Variants in PRKDC observed in about 807,000 individuals in gnomAD.
The protein encoded by PRKDC is DNA-dependent protein kinase catalytic subunit.
PRKDC carries 82 observed loss-of-function variants against 486.9 expected under a neutral mutation model. The observed-to-expected ratio is 0.17, with a 90% CI of 0.14 to 0.20. PRKDC has a LOEUF of 0.20. Ranked by LOEUF, PRKDC falls within the 10% of genes least tolerant of loss-of-function variation. PRKDC has a pLI of 1.00. For synonymous variants in PRKDC, 1,895 were observed against 1,837.0 expected, an observed-to-expected ratio of 1.03 and a Z score of -0.81; for missense variants, 4,504 against 5,038.2, an observed-to-expected ratio of 0.89 and a Z score of 3.21.
intron 68 of PRKDC, among the ~76,000 whole-genome samples, chr8:47,814,429 C>T (rs1441892715): frequency 1.3e-5 from 2 of 152,018 alleles, no homozygotes; most frequent in East Asian, 1.9e-4. Context: ...GTGGCTCTAT[C>T]GGCAGATGAT....
Position 47,870,880 on chromosome 8 carries a change from G to A in PRKDC, c.5364-6117C>T, listed in dbSNP as rs139547875. ...TCTTATCAGATAAATTAAACAAAGA[G>A]ATTGAAAAAATTAAAAAGAATCAAG... On this transcript the variant is annotated intron_variant, in intron 40 of 85. Transcript: ENST00000314191. Among the ~76,000 whole-genome samples the A allele has an allele frequency of 3.2e-3, 481 of 152,194 alleles. 2 individuals carry two copies. The highest frequency in any genetic ancestry group is 0.011 in the African/African-American group (446 of 41,544).
chr8:47,890,528 C>T (rs1341573628), intron 31 of PRKDC, 48 bp from the exon 32 acceptor site: 1 of 1,373,778 alleles, frequency 7.3e-7, no homozygotes, highest in East Asian at 2.5e-5. Context: ...CTTTCAACTC[C>T]ACTAAGATTA....
chr8:47,933,322 T>C (rs1159363618), intron 15 of PRKDC, 150 bp from the exon 16 acceptor site: 1 of 605,740 alleles, frequency 1.7e-6, no homozygotes, highest in Non-Finnish European at 2.6e-6. Context: ...ACCTGGAAGT[T>C]TTCAAGTTGC....
At chr8:47,785,339 T>C in intron 76 of PRKDC, 22 bp from the exon 77 acceptor site, 3 of 1,521,356 alleles carry the variant, frequency 2.0e-6, no homozygotes, top group Non-Finnish European at 2.7e-6. Context: ...AAGAATTTAC[T>C]ATAAAGACTG....
At position 47,785,195 on chromosome 8, in the gene PRKDC, C is replaced by T. The variant is rs1380865476; in HGVS notation, c.11025G>A (p.Lys3675=). The change falls in exon 77 of 86, where the codon AAG becomes AAA. Residue 3675 remains lysine, a synonymous_variant. Coordinates refer to ENST00000314191, the MANE Select transcript of PRKDC (RefSeq NM_006904.7). ...MLLLKMNKDS[K]PPGNLKECSP... ...AACATTCTTTCAGATTCCCAGGGGG[C>T]TTTGAGTCTTTGTTCATTTTTAAAA... is the stretch of plus-strand genomic sequence containing the variant. The T allele has an allele frequency of 6.2e-7, 1 of 1,613,922 alleles. No homozygotes were observed. The highest frequency in any genetic ancestry group is 8.5e-7 in the Non-Finnish European group (1 of 1,179,874).
rs117034947 is a variant in PRKDC, at chr8:47,798,163, G to A, written c.10458+74C>T. 6.7e-3 allele frequency: 9,853 copies of A among 1,477,522 alleles called. 55 individuals carry two copies. The highest frequency in any genetic ancestry group is 9.2e-3 in the Middle Eastern group (49 of 5,304). The allele number at this position is 1,477,522 out of a possible 1,614,324, so 91.5% of individuals were successfully genotyped here. A position where few individuals can be genotyped will look rare whatever the true frequency, so the allele number is the denominator to read the frequency against. ...TAATACATGCACTGCACACACTAAC[G>A]CGTTTGAATATAAATAAGCGTATCT... On this transcript the variant is annotated intron_variant, in intron 73 of 85. Transcript: ENST00000314191.
chr8:47,901,529 C>T (rs915988304), intron 27 of PRKDC, among the ~76,000 whole-genome samples: 1 of 152,118 alleles, frequency 6.6e-6, no homozygotes, highest in Admixed American at 6.6e-5. Context: ...ACCTAAAACA[C>T]TTCTCAAAGA....
chr8:47,795,885 T>C (rs1011424978), intron 73 of PRKDC, among the ~76,000 whole-genome samples: 10 of 151,500 alleles, frequency 6.6e-5, no homozygotes, highest in African/African-American at 2.4e-4. Context: ...TAATAAACAT[T>C]GGTATGGAAT....
chr8:47,952,778 C>T (rs867240783), intron 7 of PRKDC, among the ~76,000 whole-genome samples: 6 of 152,102 alleles, frequency 3.9e-5, no homozygotes, highest in Non-Finnish European at 8.8e-5. Flanking sequence ...TTGAGGCAGG[C>T]GGATCACCAG....
At chr8:47,922,092 T>C (rs1282408522) in intron 21 of PRKDC, among the ~76,000 whole-genome samples, 1 of 151,614 alleles carries the variant, frequency 6.6e-6, no homozygotes, top group African/African-American at 2.4e-5. Flanking sequence ...GATTTTTCAT[T>C]TTTCTTGGAT....
At chr8:47,915,051 G>A (rs1444957726) in intron 23 of PRKDC, among the ~76,000 whole-genome samples, 3 of 152,066 alleles carry the variant, frequency 2.0e-5, no homozygotes, top group African/African-American at 4.8e-5. Flanking sequence ...TGGAATTCCC[G>A]ACACTAATAT....
chr8:47,831,004 T>C (rs2087855418), intron 60 of PRKDC, among the ~76,000 whole-genome samples: 1 of 152,184 alleles, frequency 6.6e-6, no homozygotes, highest in African/African-American at 2.4e-5. Flanking sequence ...TTAGAAGTAT[T>C]TAAAAACCGG....
intron 25 of PRKDC, 76 bp from the exon 26 acceptor site, chr8:47,905,052 T>C: frequency 2.8e-6 from 3 of 1,082,602 alleles, no homozygotes; most frequent in Non-Finnish European, 4.1e-6. Context: ...TCCATTTAAA[T>C]GCCATTTGCA....
chr8:47,873,043 A>G, intron 40 of PRKDC, among the ~76,000 whole-genome samples: 1 of 152,188 alleles, frequency 6.6e-6, no homozygotes, highest in Non-Finnish European at 1.5e-5. Context: ...ATGTTAGGCC[A>G]CAAAACAAGT....
chr8:47,810,742 T>C (rs1304467729), intron 68 of PRKDC, among the ~76,000 whole-genome samples: 1 of 152,126 alleles, frequency 6.6e-6, no homozygotes, highest in Non-Finnish European at 1.5e-5. Flanking sequence ...TATTTTTTAA[T>C]AAACCAAATG....
In PRKDC at chr8:47,785,327, G is replaced by GT; in HGVS notation, c.10903-11dup. On this transcript the variant is annotated splice_polypyrimidine_tract_variant and intron_variant, in intron 76 of 85. Transcript: ENST00000314191. ...ATTCTTTTCCAAAAGTCTGAAATTA[G>GT]TAAGAATTTACTATAAAGACTGATG... is the stretch of plus-strand genomic sequence containing the variant. 3 of 1,550,428 alleles carry GT rather than the reference G, an allele frequency of 1.9e-6. No individual in the cohort carries two copies. Among genetic ancestry groups the GT allele is most frequent in the Non-Finnish European group, 2.6e-6 (3 of 1,141,678 alleles).
chr8:47,907,078 G>T (rs903876205), intron 25 of PRKDC, among the ~76,000 whole-genome samples: 3 of 150,172 alleles, frequency 2.0e-5, no homozygotes, highest in Admixed American at 6.9e-5. Context: ...TCGCTCTGTC[G>T]CCCAGGCTGG....
intron 57 of PRKDC, 51 bp downstream of exon 57, chr8:47,837,161 A>G: frequency 4.7e-6 from 7 of 1,501,844 alleles, no homozygotes; most frequent in Non-Finnish European, 6.4e-6. Flanking sequence ...AATGTTCATG[A>G]ACAGGAAAAG....
intron 33 of PRKDC, 39 bp downstream of exon 33, chr8:47,888,975 C>A (rs1192257723): frequency 1.9e-6 from 3 of 1,582,916 alleles, no homozygotes; most frequent in South Asian, 2.2e-5. Flanking sequence ...GCCTGAAATT[C>A]CAGGACAACA....
Sources: allele counts gnomAD v4.1 joint callset (sites outside exome capture counted in the v4.1 genomes callset), GRCh38; gene constraint gnomAD v4.1.1; transcripts MANE v1.5; gene names NCBI Gene and HGNC (gene_info 2026-07-23, HGNC 2026-07-21).